PDE7B: variants seen among roughly 807,000 people sequenced by gnomAD.
PDE7B encodes phosphodiesterase 7B.
Under a neutral mutation model 56.2 loss-of-function variants are expected in PDE7B, and 29 were observed. That is an observed-to-expected ratio of 0.52 (90% CI 0.38 to 0.70). The LOEUF is 0.70. Ranked by LOEUF, PDE7B falls within the 30% of genes least tolerant of loss-of-function variation. PDE7B has a pLI of 0.00. For missense variants in PDE7B, 490 were observed against 565.0 expected (o/e 0.87, Z 1.35); for synonymous variants, 197 against 196.9 (o/e 1.00, Z 0.00).
chr6:136,104,916 A>G (rs1777623681), intron 2 of PDE7B, among the ~76,000 whole-genome samples: 1 of 152,176 alleles, frequency 6.6e-6, no homozygotes. Context: ...GGAATCTTCC[A>G]GGTATGGTTT....
chr6:135,900,925 C>T (rs1433729007), intron 1 of PDE7B, among the ~76,000 whole-genome samples: 1 of 152,152 alleles, frequency 6.6e-6, no homozygotes, highest in East Asian at 1.9e-4. Flanking sequence ...ATCTTTTATT[C>T]TCAATATCTG....
chr6:135,873,525 T>G (rs1293164113), intron 1 of PDE7B, among the ~76,000 whole-genome samples: 2 of 152,152 alleles, frequency 1.3e-5, no homozygotes, highest in Non-Finnish European at 2.9e-5. Flanking sequence ...GTTCTGGTAG[T>G]TTTATGAATT....
chr6:135,901,346 G>C lies in PDE7B; in HGVS notation c.22-46118G>C, dbSNP rs369912425. On this transcript the variant is annotated intron_variant, in intron 1 of 12. Coordinates refer to ENST00000308191, the MANE Select transcript of PDE7B (RefSeq NM_018945.4). The stretch of plus-strand genomic sequence containing the variant: ...ATTCACTATTGACTATAGTGTATAT[G>C]GGATCTTGGTGGGGGAAATTGTAAT... Among the ~76,000 whole-genome samples, 22 of 152,114 alleles carry C rather than the reference G, an allele frequency of 1.4e-4. No homozygotes were observed. In the South Asian group the frequency reaches 4.4e-3, roughly 30 times the overall value.
intron 1 of PDE7B, among the ~76,000 whole-genome samples, chr6:135,881,758 C>T (rs1775615630): frequency 6.6e-6 from 1 of 152,184 alleles, no homozygotes; most frequent in African/African-American, 2.4e-5. Flanking sequence ...TCCTCTCTTT[C>T]TCTACATTAC....
intron 2 of PDE7B, among the ~76,000 whole-genome samples, chr6:136,107,528 A>G (rs1777666202): frequency 6.6e-6 from 1 of 152,234 alleles, no homozygotes; most frequent in Non-Finnish European, 1.5e-5. Context: ...CATGATATGC[A>G]TGATCCCTGC....
chr6:135,895,271 G>A (rs759590991), intron 1 of PDE7B, among the ~76,000 whole-genome samples: 6 of 152,096 alleles, frequency 3.9e-5, no homozygotes, highest in Non-Finnish European at 5.9e-5. Flanking sequence ...GATAGTGAGC[G>A]GCAAAAGTTA....
chr6:136,034,475 ACT>A (rs1039677133), intron 2 of PDE7B: 2 of 152,170 alleles, frequency 1.3e-5, no homozygotes, highest in Non-Finnish European at 2.9e-5. Context: ...AAAAGAAGAA[ACT>A]TTTTAGCACA....
Position 135,873,584 on chromosome 6 carries a change from A to T in PDE7B, c.21+21565A>T, listed in dbSNP as rs553805977. ...GACAATAGTAGAATTTACTGAATAT[A>T]TGAGGTAGGCATATATGATTGATTT... On this transcript the variant is annotated intron_variant, in intron 1 of 12. Transcript: ENST00000308191. 7.9e-5 allele frequency among the ~76,000 whole-genome samples: 12 copies of T among 152,278 alleles called. No individual in the cohort carries two copies. The South Asian group carries it at 2.3e-3, about 29-fold the overall frequency.
intron 2 of PDE7B, among the ~76,000 whole-genome samples, chr6:136,057,200 G>A (rs145317001): frequency 2.6e-5 from 4 of 152,138 alleles, no homozygotes; most frequent in Admixed American, 2.6e-4. Context: ...CATTTCTACT[G>A]ATTACCCAGA....
At chr6:135,916,505 G>T (rs1221901275) in intron 1 of PDE7B, among the ~76,000 whole-genome samples, 1 of 143,212 alleles carries the variant, frequency 7.0e-6, no homozygotes, top group Non-Finnish European at 1.5e-5. Flanking sequence ...TGATTCTCCT[G>T]CCTCAGCCTC....
At chr6:136,152,360 A>G (rs1031256081) in intron 6 of PDE7B, among the ~76,000 whole-genome samples, 4 of 152,242 alleles carry the variant, frequency 2.6e-5, no homozygotes, top group Non-Finnish European at 5.9e-5. Flanking sequence ...ACTACCATTT[A>G]TGTAGTGCCC....
intron 2 of PDE7B, among the ~76,000 whole-genome samples, chr6:135,992,896 C>G (rs1298745203): frequency 6.6e-6 from 1 of 152,156 alleles, no homozygotes; most frequent in African/African-American, 2.4e-5. Context: ...CTCATGTGCC[C>G]CTCCCAACAG....
intron 1 of PDE7B, among the ~76,000 whole-genome samples, chr6:135,885,730 C>T (rs1009448682): frequency 2.0e-5 from 3 of 152,076 alleles, no homozygotes; most frequent in African/African-American, 7.2e-5. Flanking sequence ...GAAAAGAGCA[C>T]AAAATAGAAT....
intron 2 of PDE7B, among the ~76,000 whole-genome samples, chr6:136,022,685 C>A (rs1452189923): frequency 6.6e-6 from 1 of 152,212 alleles, no homozygotes; most frequent in African/African-American, 2.4e-5. Flanking sequence ...CAGTGATACT[C>A]ACTGTGCAAG....
At chr6:135,928,593 A>T (rs1000537077) in intron 1 of PDE7B, among the ~76,000 whole-genome samples, 1 of 147,362 alleles carries the variant, frequency 6.8e-6, no homozygotes, top group Non-Finnish European at 1.5e-5. Flanking sequence ...ATACACATAC[A>T]TACATATACA....
Position 135,893,424 on chromosome 6 carries a change from T to A in PDE7B, c.21+41405T>A, listed in dbSNP as rs547258137. Among the ~76,000 whole-genome samples the A allele has an allele frequency of 9.9e-5, 15 of 152,174 alleles. No homozygotes were observed. The East Asian group carries it at 2.9e-3, about 29-fold the overall frequency. On this transcript the variant is annotated intron_variant, in intron 1 of 12. Coordinates refer to ENST00000308191, the MANE Select transcript of PDE7B (RefSeq NM_018945.4). ...CATCATTTTTTATGGCTGCATAGTA[T>A]TCCATGGTGTATATGTGCCACATTT...
intron 1 of PDE7B, among the ~76,000 whole-genome samples, chr6:135,855,802 C>A (rs1775016191): frequency 6.6e-6 from 1 of 152,136 alleles, no homozygotes; most frequent in Non-Finnish European, 1.5e-5. Context: ...CAACAAGGTT[C>A]ATAGCTGTGA....
intron 2 of PDE7B, among the ~76,000 whole-genome samples, chr6:136,091,647 G>T (rs1373927044): frequency 6.6e-6 from 1 of 152,174 alleles, no homozygotes; most frequent in Admixed American, 6.5e-5. Flanking sequence ...TCAAACATAG[G>T]ATAAGCGATG....
intron 2 of PDE7B, among the ~76,000 whole-genome samples, chr6:136,056,514 T>C (rs1238146013): frequency 2.2e-5 from 1 of 46,214 alleles, no homozygotes; most frequent in Non-Finnish European, 4.5e-5. Context: ...ATAGAATCCT[T>C]TTTTTTTTTT....
Sources: gnomAD v4.1 joint callset for allele counts (sites outside exome capture counted in the v4.1 genomes callset) on GRCh38, gnomAD v4.1.1 for gene constraint, MANE v1.5 for transcripts, NCBI Gene and HGNC (gene_info 2026-07-23, HGNC 2026-07-21) for gene names.